The following PNPLA5 variants were observed in gnomAD, a reference collection of about 807,000 sequenced individuals.
PNPLA5 encodes the protein patatin like domain 5, triacylglycerol lipase.
Under a neutral mutation model 49.1 loss-of-function variants are expected in PNPLA5, and 44 were observed. The observed-to-expected ratio is 0.90, with a 90% CI of 0.70 to 1.15. PNPLA5 has a LOEUF of 1.15. Ranked by LOEUF, PNPLA5 falls within the 50% of genes most tolerant of loss-of-function variation. The probability of loss-of-function intolerance (pLI) is 0.00; values close to 1 mark genes in which losing one functional copy is unlikely to be tolerated. For synonymous variants in PNPLA5, 243 were observed against 244.4 expected (o/e 0.99, Z 0.06); for missense variants, 603 against 564.0 (o/e 1.07, Z -0.70).
In PNPLA5 at chr22:43,880,763, A is replaced by C; in HGVS notation, c.*32T>G. The stretch of plus-strand genomic sequence containing the variant: ...AAGGCCAGAGCAGGAATCAAGGGAC[A>C]CCAGTCACTGGGCTGGCCCTGCTCG... On this transcript the variant is annotated 3_prime_UTR_variant, in exon 9 of 9. Transcript: ENST00000216177. 2 of 1,308,272 alleles carry C rather than the reference A, an allele frequency of 1.5e-6. No individual in the cohort carries two copies. The highest frequency in any genetic ancestry group is 2.0e-6 in the Non-Finnish European group (2 of 1,023,262). 81.0% of individuals were successfully genotyped at this position (1,308,272 alleles called of 1,614,324 possible).
intron 3 of PNPLA5, 27 bp downstream of exon 3, chr22:43,889,772 C>G (rs774442924): frequency 6.2e-7 from 1 of 1,607,416 alleles, no homozygotes; most frequent in South Asian, 1.1e-5. Flanking sequence ...GCCCAGAGCA[C>G]AGAACGGGGT....
At chr22:43,884,142 G>C in intron 7 of PNPLA5, 71 bp downstream of exon 7, 16 of 692,046 alleles carry the variant, frequency 2.3e-5, no homozygotes, top group East Asian at 8.2e-5. Flanking sequence ...TGTGCCAGCC[G>C]CCCCTCCTGC....
chr22:43,889,663 G>C (rs966821675), intron 3 of PNPLA5, 125 bp from the exon 4 acceptor site: 1 of 1,515,676 alleles, frequency 6.6e-7, no homozygotes, highest in East Asian at 2.3e-5. Flanking sequence ...GAGGCTGAAC[G>C]CCCCCCAGGA....
chr22:43,889,246 G>T, intron 4 of PNPLA5, 83 bp downstream of exon 4: 1 of 1,483,848 alleles, frequency 6.7e-7, no homozygotes, highest in Non-Finnish European at 9.2e-7. Context: ...GGGGGGCAGT[G>T]GGGGTTAGGA....
In PNPLA5 at chr22:43,891,869, T is replaced by G; in HGVS notation, c.12A>C (p.Leu4Phe). The change falls in exon 1 of 9, where the codon TTA (leucine) becomes TTC (phenylalanine). Residue 4 changes from leucine (L) to phenylalanine (F), a missense_variant. Coordinates refer to ENST00000216177, the MANE Select transcript of PNPLA5 (RefSeq NM_138814.4). ...ACAGGTTCCATCTGCCCTCCTCCTC[T>G]AAGAAGCCCATGGCGGGTGGACCGG... MGFLEEEGRWNLSF... is the reference protein window; with the variant it reads MGFFEEEGRWNLSF... 1 of 1,514,612 alleles carries G rather than the reference T, an allele frequency of 6.6e-7. No homozygotes were observed. The highest frequency in any genetic ancestry group is 8.8e-7 in the Non-Finnish European group (1 of 1,137,590). 93.8% of individuals were successfully genotyped at this position (1,514,612 alleles called of 1,614,324 possible).
chr22:43,881,475 C>T (rs2049609654), intron 8 of PNPLA5, 83 bp downstream of exon 8: 10 of 1,393,924 alleles, frequency 7.2e-6, no homozygotes, highest in Non-Finnish European at 9.7e-6. Flanking sequence ...CATGGCCGGC[C>T]TACCCAGGGT....
Position 43,891,785 on chromosome 22 carries a change from G to A in PNPLA5, c.96C>T (p.Arg32=), listed in dbSNP as rs1436201336. The A allele has an allele frequency of 6.5e-7, 1 of 1,530,092 alleles. No individual in the cohort carries two copies. Among genetic ancestry groups the A allele is most frequent in the African/African-American group, 1.4e-5 (1 of 71,220 alleles). 94.8% of individuals were successfully genotyped at this position (1,530,092 alleles called of 1,614,324 possible). The change falls in exon 1 of 9, where the codon CGC becomes CGT. Residue 32 remains arginine, a synonymous_variant. Coordinates refer to ENST00000216177, the MANE Select transcript of PNPLA5 (RefSeq NM_138814.4). ...CCTGGAGGAGGCGCGGGGCTCGCTG[G>A]CGCAGGCATTCGGTGGCGCCCACGT... The part of the protein sequence containing the change: ...AHHVGATECL[R]QRAPRLLQGA...
intron 4 of PNPLA5, 179 bp from the exon 5 acceptor site, chr22:43,887,830 G>A: frequency 1.1e-6 from 1 of 920,122 alleles, no homozygotes; most frequent in Non-Finnish European, 1.3e-6. Flanking sequence ...CACTGGGCAG[G>A]AGGGGCCAGA....
At position 43,880,684 on chromosome 22, in the gene PNPLA5, C is replaced by T. The variant is rs2049599578; in HGVS notation, c.*111G>A. 9.2e-7 allele frequency: 1 copy of T among 1,084,502 alleles called. No homozygotes were observed. The highest frequency in any genetic ancestry group is 1.2e-6 in the Non-Finnish European group (1 of 848,182). The allele number at this position is 1,084,502 out of a possible 1,614,324, so 67.2% of individuals were successfully genotyped here. A position where few individuals can be genotyped will look rare whatever the true frequency, so the allele number is the denominator to read the frequency against. On this transcript the variant is annotated 3_prime_UTR_variant, in exon 9 of 9. Transcript: ENST00000216177. ...AACGGGCTCCAAGCTGCAGGGTCTC[C>T]ACGGAGATTGGCAGGGCCTCTTCCC...
At chr22:43,887,457 G>C (rs546654683) in intron 5 of PNPLA5, 134 bp downstream of exon 5, 1 of 1,092,924 alleles carries the variant, frequency 9.1e-7, no homozygotes, top group East Asian at 2.6e-5. Context: ...ACTCAGCTCA[G>C]GTCCAGCACA....
At chr22:43,886,745 C>G (rs908243003) in intron 5 of PNPLA5, among the ~76,000 whole-genome samples, 1 of 152,170 alleles carries the variant, frequency 6.6e-6, no homozygotes. Context: ...GGCTCCACCA[C>G]CTGCAAGCTA....
intron 2 of PNPLA5, chr22:43,890,132 C>T: frequency 1.0e-6 from 1 of 964,794 alleles, no homozygotes; most frequent in Non-Finnish European, 1.2e-6. Flanking sequence ...AGCCGGGGAC[C>T]CCAAAGAGTG....
chr22:43,884,362 G>C lies in PNPLA5; in HGVS notation c.950-17C>G, dbSNP rs1258436142. 6.5e-7 allele frequency: 1 copy of C among 1,541,880 alleles called. No homozygotes were observed. The highest frequency in any genetic ancestry group is 2.4e-5 in the East Asian group (1 of 41,500). On this transcript the variant is annotated splice_polypyrimidine_tract_variant and intron_variant, in intron 6 of 8. Transcript: ENST00000216177. ...TCTTCAGTGCTGCAAGAGAAGCCCT[G>C]GCATGGCCCTGCCCACCTGAAGTCT...
rs1244641166 is a variant in PNPLA5 at position 43,891,820 on chromosome 22, C to G, written c.61G>C (p.Gly21Arg). Residue 21 changes from glycine to arginine, a missense_variant, in exon 1 of 9, where the codon GGC becomes CGC. Coordinates refer to ENST00000216177, the MANE Select transcript of PNPLA5 (RefSeq NM_138814.4). The stretch of plus-strand genomic sequence containing the variant: ...TCGGTGGCGCCCACGTGGTGGGCGC[C>G]CAGGTAGCCGGCGCCGGAGAAGGAC... Reference protein sequence around the residue: ...NLSFSGAGYLGAHHVGATECL... With the variant: ...NLSFSGAGYLRAHHVGATECL... 1.3e-6 allele frequency: 2 copies of G among 1,520,046 alleles called. No homozygotes were observed. Among genetic ancestry groups the G allele is most frequent in the Non-Finnish European group, 1.8e-6 (2 of 1,138,836 alleles). 94.2% of individuals were successfully genotyped at this position (1,520,046 alleles called of 1,614,324 possible).
intron 5 of PNPLA5, 40 bp downstream of exon 5, chr22:43,887,551 G>A: frequency 4.4e-6 from 7 of 1,599,066 alleles, no homozygotes; most frequent in Non-Finnish European, 6.0e-6. Flanking sequence ...CTGGCACCAT[G>A]TGGGACATGA....
intron 2 of PNPLA5, 186 bp from the exon 3 acceptor site, chr22:43,890,050 T>G (rs2049707824): frequency 1.5e-6 from 2 of 1,377,772 alleles, no homozygotes; most frequent in Non-Finnish European, 1.9e-6. Context: ...GGAGCACCTC[T>G]GTCTTGACAC....
rs35343347 is a variant in PNPLA5, at chr22:43,888,371, AGTGTGTGT to A, written c.703-728_703-721del. Among the ~76,000 whole-genome samples the A allele has an allele frequency of 9.3e-3, 1,047 of 112,976 alleles. 13 individuals carry two copies. The highest frequency in any genetic ancestry group is 0.036 in the African/African-American group (970 of 27,268). 74.1% of individuals were successfully genotyped at this position (112,976 alleles called of 152,430 possible). A position where few individuals can be genotyped will look rare whatever the true frequency, so the allele number is the denominator to read the frequency against. ...AGCCAGGATGTGGATGGGGCAGAGGAGTGTGTGTGTGTGTGTGTGTGTGTGTGTGTGTG... is the reference window on the plus strand; with the variant it reads ...AGCCAGGATGTGGATGGGGCAGAGGAGTGTGTGTGTGTGTGTGTGTGTGTG... On this transcript the variant is annotated intron_variant, in intron 4 of 8. Transcript: ENST00000216177.
In PNPLA5 at chr22:43,881,302, T is replaced by C. The variant is rs565119498; in HGVS notation, c.1199+256A>G. Among the ~76,000 whole-genome samples the C allele has an allele frequency of 1.7e-4, 26 of 152,280 alleles. No homozygotes were observed. In the East Asian group the frequency reaches 5.0e-3, roughly 29 times the overall value. ...GAAGCCGCAAGAGGCACCTGTCCCA[T>C]GGGTGGCCCAGTGACTGCACCTGGC... On this transcript the variant is annotated intron_variant, in intron 8 of 8. Transcript: ENST00000216177.
chr22:43,883,004 T>C (rs888779167), intron 7 of PNPLA5, among the ~76,000 whole-genome samples: 4 of 152,218 alleles, frequency 2.6e-5, no homozygotes, highest in African/African-American at 9.6e-5. Flanking sequence ...CCCTGCGTCG[T>C]GTACGGCACA....
Sources: allele counts gnomAD v4.1 joint callset (sites outside exome capture counted in the v4.1 genomes callset), GRCh38; gene constraint gnomAD v4.1.1; transcripts MANE v1.5; gene names NCBI Gene and HGNC (gene_info 2026-07-23, HGNC 2026-07-21).